SPATA13: variants seen among roughly 807,000 people sequenced by gnomAD.
The protein encoded by SPATA13 is spermatogenesis-associated protein 13.
In SPATA13, 50 loss-of-function variants were observed where a neutral mutation model predicts 104.0. The observed-to-expected ratio is 0.48, with a 90% CI of 0.38 to 0.61. SPATA13 has a LOEUF of 0.61. Ranked by LOEUF, SPATA13 falls within the 20% of genes least tolerant of loss-of-function variation. SPATA13 has a pLI of 0.00. For missense variants in SPATA13, 1,524 were observed against 1,690.6 expected (o/e 0.90, Z 1.73); for synonymous variants, 606 against 667.5 (o/e 0.91, Z 1.42).
chr13:23,998,669 T>C (rs1399630246), intron 2 of SPATA13, among the ~76,000 whole-genome samples: 1 of 152,244 alleles, frequency 6.6e-6, no homozygotes, highest in Admixed American at 6.5e-5. Context: ...ACAATGTTTT[T>C]CTTCTATGTG....
chr13:24,169,440 T>C (rs1422616519), intron 1 of SPATA13, among the ~76,000 whole-genome samples: 1 of 152,196 alleles, frequency 6.6e-6, no homozygotes, highest in Non-Finnish European at 1.5e-5. Flanking sequence ...GTGAGTAGAC[T>C]GGTTTCAAAA....
At chr13:24,270,262 A>C (rs1338151196) in intron 4 of SPATA13, among the ~76,000 whole-genome samples, 1 of 152,220 alleles carries the variant, frequency 6.6e-6, no homozygotes, top group African/African-American at 2.4e-5. Flanking sequence ...GAGAACTTAC[A>C]TGTATACCTT....
chr13:24,210,997 G>T (rs187909944), intron 1 of SPATA13, among the ~76,000 whole-genome samples: 1 of 151,914 alleles, frequency 6.6e-6, no homozygotes, highest in African/African-American at 2.4e-5. Flanking sequence ...TATTCTTTTC[G>T]ATGCTTTTGC....
At chr13:24,176,548 G>C (rs546504407) in intron 1 of SPATA13, among the ~76,000 whole-genome samples, 2 of 152,046 alleles carry the variant, frequency 1.3e-5, no homozygotes, top group South Asian at 4.2e-4. Flanking sequence ...TAGATCCTTT[G>C]ATTAATGGGA....
intron 11 of SPATA13, 82 bp from the exon 12 acceptor site, chr13:24,300,319 C>G: frequency 9.5e-7 from 1 of 1,056,116 alleles, no homozygotes; most frequent in Admixed American, 2.0e-5. Flanking sequence ...AACCTCAATG[C>G]TGATATGGGC....
chr13:24,219,754 CAGTTCG>C (rs1871464702), intron 1 of SPATA13, among the ~76,000 whole-genome samples: 1 of 152,220 alleles, frequency 6.6e-6, no homozygotes, highest in Non-Finnish European at 1.5e-5. Context: ...GAGACACCTG[CAGTTCG>C]TCTCAAAGAA....
Position 24,059,757 on chromosome 13 carries a change from A to G in SPATA13, c.-112+42056A>G, listed in dbSNP as rs79738425. On this transcript the variant is annotated intron_variant, in intron 3 of 14. Coordinates refer to the SPATA13 transcript ENST00000424834. ...GGTGAAGAGCTTTGGGCCTGAGACT[A>G]TGGCGTTTCCTGGATAAGATCATGT... is the stretch of plus-strand genomic sequence containing the variant. Among the ~76,000 whole-genome samples, 116 of 152,284 alleles carry G rather than the reference A, an allele frequency of 7.6e-4. 4 individuals carry two copies. In the East Asian group the frequency reaches 0.018, roughly 24 times the overall value.
At chr13:24,119,398 T>C (rs1880962548) in intron 3 of SPATA13, among the ~76,000 whole-genome samples, 1 of 152,252 alleles carries the variant, frequency 6.6e-6, no homozygotes, top group South Asian at 2.1e-4. Context: ...CAAATTGATA[T>C]TGAGGGAGAA....
At chr13:24,200,658 G>A (rs73166363) in intron 1 of SPATA13, among the ~76,000 whole-genome samples, 5,247 of 151,194 alleles carry the variant, frequency 0.035, 125 homozygotes, top group Non-Finnish European at 0.05. Flanking sequence ...CATACGAGAT[G>A]TGAATATAAA....
Position 24,161,235 on chromosome 13 carries a change from G to A in SPATA13, c.-112+303G>A, listed in dbSNP as rs1882471334. Among the ~76,000 whole-genome samples, 1 of 152,102 alleles carries A rather than the reference G, an allele frequency of 6.6e-6. No individual in the cohort carries two copies. Among genetic ancestry groups the A allele is most frequent in the South Asian group, 2.1e-4 (1 of 4,826 alleles). Reference sequence around the variant, plus strand: ...GCCGTTTCCAGCCGGAAGCCTGCAGGGAGGTCGCCTTGTAACTTCACCCGC... The same window carrying A: ...GCCGTTTCCAGCCGGAAGCCTGCAGAGAGGTCGCCTTGTAACTTCACCCGC... On this transcript the variant is annotated intron_variant, in intron 1 of 12. Transcript: ENST00000382108. This position sits in a 1 kb window ranked among gnomAD's most constrained non-coding sequence, Gnocchi z 4.5.
At chr13:24,199,610 G>A (rs1019054944) in intron 1 of SPATA13, among the ~76,000 whole-genome samples, 3 of 152,118 alleles carry the variant, frequency 2.0e-5, no homozygotes, top group Non-Finnish European at 2.9e-5. Context: ...AGAACTGAAC[G>A]TACTACTTTT....
chr13:23,984,865 C>G (rs774168744), intron 2 of SPATA13, among the ~76,000 whole-genome samples: 1 of 152,192 alleles, frequency 6.6e-6, no homozygotes, highest in Non-Finnish European at 1.5e-5. Flanking sequence ...GAAAAGTCAG[C>G]TTTGAACATG....
intron 3 of SPATA13, among the ~76,000 whole-genome samples, chr13:24,030,022 T>A (rs1877406236): frequency 1.3e-5 from 2 of 151,334 alleles, no homozygotes; most frequent in South Asian, 4.2e-4. Flanking sequence ...AAAGTAGAGT[T>A]CTCATATATG....
intron 1 of SPATA13, among the ~76,000 whole-genome samples, chr13:24,213,653 T>A (rs984870192): frequency 2.0e-5 from 3 of 152,202 alleles, no homozygotes; most frequent in Admixed American, 6.5e-5. Context: ...AAGTCAAAGA[T>A]CCAGTTCATC....
At chr13:24,271,191 A>G (rs575622849) in intron 4 of SPATA13, among the ~76,000 whole-genome samples, 3 of 152,196 alleles carry the variant, frequency 2.0e-5, no homozygotes, top group Non-Finnish European at 4.4e-5. Context: ...TTTATGGCAC[A>G]GTTGCTTGTT....
At chr13:24,150,989 A>G (rs1468471641) in intron 3 of SPATA13, among the ~76,000 whole-genome samples, 1 of 152,150 alleles carries the variant, frequency 6.6e-6, no homozygotes, top group Non-Finnish European at 1.5e-5. Context: ...CAAAACCCCC[A>G]CTAAAGAGTT....
Position 24,297,747 on chromosome 13 carries a change from TTGG to T in SPATA13, c.3583+13_3583+15del. ...GGACAAGGAGATGGGTGAGCAGCCC[TTGG>T]CTCTGCAGGCACCTGTGCCTCTGCT... On this transcript the variant is annotated intron_variant, in intron 11 of 12. Coordinates refer to ENST00000382108, the MANE Select transcript of SPATA13 (RefSeq NM_001166271.3). The T allele has an allele frequency of 6.2e-7, 1 of 1,600,924 alleles. No individual in the cohort carries two copies. Among genetic ancestry groups the T allele is most frequent in the East Asian group, 2.2e-5 (1 of 44,718 alleles).
intron 3 of SPATA13, among the ~76,000 whole-genome samples, chr13:24,025,176 A>G (rs566767500): frequency 1.3e-4 from 15 of 113,400 alleles, no homozygotes; most frequent in Non-Finnish European, 2.5e-4. Flanking sequence ...TCCTTAAGGA[A>G]TATTTTCCTA....
chr13:24,263,384 G>A (rs1057434410), intron 4 of SPATA13, among the ~76,000 whole-genome samples: 8 of 152,142 alleles, frequency 5.3e-5, no homozygotes, highest in African/African-American at 1.2e-4. Flanking sequence ...GCCTTGCCAC[G>A]TTCCCTTCTC....
Sources: gnomAD v4.1 joint callset for allele counts (sites outside exome capture counted in the v4.1 genomes callset) on GRCh38, gnomAD v4.1.1 for gene constraint, Gnocchi (gnomAD v3.1) non-coding constraint, MANE v1.5 for transcripts, NCBI Gene and HGNC (gene_info 2026-07-23, HGNC 2026-07-21) for gene names.